The following GANC variants were observed in gnomAD, a reference collection of about 807,000 sequenced individuals.
The protein encoded by GANC is neutral alpha-glucosidase C.
GANC carries 117 observed loss-of-function variants against 124.2 expected under a neutral mutation model. That is an observed-to-expected ratio of 0.94 (90% CI 0.81 to 1.10). The LOEUF (loss-of-function observed/expected upper bound fraction) is 1.10. GANC is among the 50% of genes least tolerant of loss of function. The pLI is 0.00. For synonymous variants in GANC, 377 were observed against 376.8 expected (o/e 1.00, Z -0.01); for missense variants, 1,140 against 1,095.0 (o/e 1.04, Z -0.58).
intron 10 of GANC, among the ~76,000 whole-genome samples, chr15:42,313,012 A>C (rs1566955539): frequency 6.6e-6 from 1 of 152,214 alleles, no homozygotes; most frequent in South Asian, 2.1e-4. Context: ...AGAATTGAGA[A>C]TCTAGAAGTA....
chr15:42,291,141 A>G (rs951024027), intron 4 of GANC, among the ~76,000 whole-genome samples: 2 of 152,156 alleles, frequency 1.3e-5, no homozygotes, highest in African/African-American at 2.4e-5. Flanking sequence ...CTGAAAAATT[A>G]TAAGACTATA....
intron 19 of GANC, among the ~76,000 whole-genome samples, chr15:42,345,078 G>T (rs1168397767): frequency 6.6e-6 from 1 of 152,118 alleles, no homozygotes; most frequent in Non-Finnish European, 1.5e-5. Context: ...GAAAGAAAAA[G>T]ATGTTTGCTT....
intron 6 of GANC, among the ~76,000 whole-genome samples, chr15:42,302,944 C>A (rs1273915235): frequency 1.3e-5 from 2 of 152,130 alleles, no homozygotes; most frequent in Non-Finnish European, 2.9e-5. Context: ...GGATATTATC[C>A]AGGAGAATTT....
At position 42,290,501 on chromosome 15, in the gene GANC, T is replaced by C. The variant is rs140100453; in HGVS notation, c.330-2234T>C. On this transcript the variant is annotated intron_variant, in intron 4 of 23. Transcript: ENST00000318010. ...ATTTCAGGCATTAACTGGGAAAACG[T>C]AGGACTCCTCAAAATTGAATAGCAG... Among the ~76,000 whole-genome samples, 8 of 152,288 alleles carry C rather than the reference T, an allele frequency of 5.3e-5. No homozygotes were observed. The East Asian group carries it at 1.5e-3, about 29-fold the overall frequency.
intron 17 of GANC, 133 bp from the exon 18 acceptor site, chr15:42,340,557 T>C: frequency 3.0e-6 from 2 of 663,436 alleles, no homozygotes; most frequent in Non-Finnish European, 5.0e-6. Context: ...TGAGCCAAGA[T>C]AGCACCACGG....
At chr15:42,274,796 G>A (rs2051642785) in intron 1 of GANC, among the ~76,000 whole-genome samples, 1 of 151,730 alleles carries the variant, frequency 6.6e-6, no homozygotes, top group African/African-American at 2.4e-5. Flanking sequence ...CCGCCCCCTC[G>A]GAGTCCCAGC....
intron 4 of GANC, among the ~76,000 whole-genome samples, chr15:42,289,135 A>C (rs1254162917): frequency 6.6e-6 from 1 of 152,142 alleles, no homozygotes; most frequent in Non-Finnish European, 1.5e-5. Flanking sequence ...AAAGCTAAAA[A>C]CTACGTTTCT....
chr15:42,283,840 G>A (rs1377355753), intron 3 of GANC: 1 of 702,590 alleles, frequency 1.4e-6, no homozygotes, highest in Non-Finnish European at 2.6e-6. Flanking sequence ...TTTGGGAACT[G>A]GCCAGACAAT....
In GANC at chr15:42,276,347, G is replaced by A. The variant is rs1430583451; in HGVS notation, c.30-1G>A. 7.3e-7 allele frequency: 1 copy of A among 1,364,982 alleles called. No homozygotes were observed. The highest frequency in any genetic ancestry group is 2.3e-5 in the East Asian group (1 of 43,446). 84.6% of individuals were successfully genotyped at this position (1,364,982 alleles called of 1,614,324 possible). ...ATTTCTCAAAATGTCTTTTTATTTA[G>A]TCTTGAAGATGAAGCTGTAGATAAA... On this transcript the variant is annotated splice_acceptor_variant, in intron 1 of 23. Transcript: ENST00000318010. LOFTEE classifies it high-confidence loss of function.
intron 13 of GANC, among the ~76,000 whole-genome samples, chr15:42,328,602 A>G (rs543167608): frequency 3.3e-5 from 5 of 152,142 alleles, no homozygotes; most frequent in Admixed American, 1.3e-4. Flanking sequence ...AAGGTAAGCT[A>G]GGTAGGCTCT....
chr15:42,350,551 C>CTTTT (rs1265729419), intron 22 of GANC, among the ~76,000 whole-genome samples: 2 of 123,358 alleles, frequency 1.6e-5, no homozygotes, highest in African/African-American at 6.3e-5. Context: ...ACAGAGTTGT[C>CTTTT]TTTTTTTTTT....
Position 42,273,421 on chromosome 15 carries a change from C to T in GANC, c.-1061C>T, listed in dbSNP as rs376292282. On this transcript the variant is annotated 5_prime_UTR_variant, in exon 1 of 24. Transcript: ENST00000318010. The stretch of plus-strand genomic sequence containing the variant: ...CATCTTCACAGCCGTGGAGTGCCTA[C>T]CGAAAGCATTTCACCCTCTTCCGGT... 1.8e-4 allele frequency: 292 copies of T among 1,613,258 alleles called. No homozygotes were observed. In the African/African-American group the frequency reaches 3.3e-3, roughly 18 times the overall value.
In GANC at chr15:42,343,165, T is replaced by C; in HGVS notation, c.2229+11T>C. ...CCAGGATCAAATGAGGTAAGAGTAA[T>C]AACAGCCACATATCTGATATGTCTC... is the stretch of plus-strand genomic sequence containing the variant. On this transcript the variant is annotated intron_variant, in intron 19 of 23. Transcript: ENST00000318010. The C allele has an allele frequency of 1.2e-6, 2 of 1,609,864 alleles. No individual in the cohort carries two copies. Among genetic ancestry groups the C allele is most frequent in the Non-Finnish European group, 1.7e-6 (2 of 1,176,216 alleles).
rs191379575 is a variant in GANC, at chr15:42,326,348, A to T, written c.1344A>T (p.Val448=). The change falls in exon 12 of 24, where the codon GTA becomes GTT. Residue 448 remains valine (V), a synonymous_variant. Coordinates refer to ENST00000318010, the MANE Select transcript of GANC (RefSeq NM_198141.3). The part of the protein sequence containing the change: ...PHIKIDPDYS[V]YVKAKDQGFF... ...TCAAGATTGATCCTGACTACTCAGT[A>T]TATGTGAAGGCCAAAGATCAGGGCT... The T allele has an allele frequency of 6.2e-6, 10 of 1,614,126 alleles. No homozygotes were observed. The East Asian group carries it at 1.1e-4, about 18-fold the overall frequency.
At position 42,338,389 on chromosome 15, in the gene GANC, G is replaced by A; in HGVS notation, c.1742G>A (p.Gly581Asp). The A allele has an allele frequency of 1.2e-6, 2 of 1,610,992 alleles. No homozygotes were observed. The highest frequency in any genetic ancestry group is 1.7e-6 in the Non-Finnish European group (2 of 1,177,692). ...RSFFAGSQKY[G>D]AVWTGDNTAE... ...AATACATTGTTGCTGGTGACCAAAG[G>A]TGCCGTGTGGACAGGCGACAACACA... The change falls in exon 16 of 24, where the codon GGT becomes GAT. Residue 581 changes from glycine (G) to aspartate (D), a missense_variant and splice_region_variant. Gly to Asp is a moderately conservative substitution (Grantham distance 94). Transcript: ENST00000318010.
chr15:42,324,659 C>T (rs940540322), intron 11 of GANC, among the ~76,000 whole-genome samples: 1 of 152,030 alleles, frequency 6.6e-6, no homozygotes, highest in Non-Finnish European at 1.5e-5. Flanking sequence ...CATGGATGAA[C>T]CTTGAGGATA....
chr15:42,276,410 G>A lies in GANC; in HGVS notation c.92G>A (p.Arg31Lys), dbSNP rs762433790. The A allele has an allele frequency of 1.4e-6, 2 of 1,386,470 alleles. No homozygotes were observed. The highest frequency in any genetic ancestry group is 1.4e-5 in the African/African-American group (1 of 70,834). 85.9% of individuals were successfully genotyped at this position (1,386,470 alleles called of 1,614,324 possible). The change falls in exon 2 of 24, where the codon AGG becomes AAG. Residue 31 changes from arginine (R) to lysine (K), a missense_variant and splice_region_variant. By Grantham distance (26) the Arg-to-Lys change is conservative (BLOSUM62 2). Transcript: ENST00000318010. ...GACTGTAACAAGATCGCATTTTACAGGTAAGGAAAATAAATATAGTAGCTA... is the reference window on the plus strand; with the variant it reads ...GACTGTAACAAGATCGCATTTTACAAGTAAGGAAAATAAATATAGTAGCTA... ...FRDCNKIAFYRRQKQWLSKKS... is the reference protein window; with the variant it reads ...FRDCNKIAFYKRQKQWLSKKS...
intron 3 of GANC, chr15:42,283,997 T>C: frequency 1.4e-6 from 1 of 702,562 alleles, no homozygotes; most frequent in Non-Finnish European, 2.6e-6. Flanking sequence ...CCTACAGCAA[T>C]TTAATGAACT....
chr15:42,323,769 C>T (rs2052179130), intron 11 of GANC, among the ~76,000 whole-genome samples: 2 of 152,164 alleles, frequency 1.3e-5, no homozygotes, highest in South Asian at 2.1e-4. Flanking sequence ...TCCCAAAGTG[C>T]TGGGGTTACA....
Sources: gnomAD v4.1 joint callset for allele counts (sites outside exome capture counted in the v4.1 genomes callset) on GRCh38, gnomAD v4.1.1 for gene constraint, MANE v1.5 for transcripts, NCBI Gene and HGNC (gene_info 2026-07-23, HGNC 2026-07-21) for gene names.